The following MED12L variants were observed in gnomAD, a reference collection of about 807,000 sequenced individuals.
The protein encoded by MED12L is mediator complex subunit 12L, also known as mediator of RNA polymerase II transcription subunit 12-like protein.
MED12L carries 60 observed loss-of-function variants against 281.3 expected under a neutral mutation model. The ratio of observed to expected loss-of-function variants is 0.21; its 90% CI spans 0.17 to 0.26. The LOEUF (loss-of-function observed/expected upper bound fraction) is 0.26. MED12L is among the 10% of genes least tolerant of loss of function. The pLI is 1.00. For missense variants in MED12L, 2,146 were observed against 2,680.9 expected (o/e 0.80, Z 4.41); for synonymous variants, 974 against 987.2 (o/e 0.99, Z 0.25).
chr3:151,193,969 T>TC (rs1294326345), intron 16 of MED12L, among the ~76,000 whole-genome samples: 20 of 148,744 alleles, frequency 1.3e-4, no homozygotes, highest in East Asian at 1.9e-4. Context: ...TCTTTTCTTT[T>TC]TTTTTTTTTT....
At chr3:151,421,618 C>T (rs779570813) in intron 43 of MED12L, among the ~76,000 whole-genome samples, 57 of 152,160 alleles carry the variant, frequency 3.7e-4, no homozygotes, top group Non-Finnish European at 5.6e-4. Context: ...ACCATGTTGG[C>T]CAGGTGTCTC....
chr3:151,125,170 A>C (rs916090033), intron 4 of MED12L, among the ~76,000 whole-genome samples: 1 of 152,246 alleles, frequency 6.6e-6, no homozygotes, highest in African/African-American at 2.4e-5. Flanking sequence ...AAGGTGAGGA[A>C]GTCAATACTT....
intron 16 of MED12L, among the ~76,000 whole-genome samples, chr3:151,280,113 G>A (rs1295284449): frequency 6.6e-6 from 1 of 152,212 alleles, no homozygotes; most frequent in Non-Finnish European, 1.5e-5. Context: ...AAAGTCCAAG[G>A]CCAAAAGGAT....
At position 151,086,890 on chromosome 3, in the gene MED12L, C is replaced by T. The variant is rs777367945; in HGVS notation, c.-37C>T. 3.3e-6 allele frequency: 5 copies of T among 1,525,988 alleles called. No homozygotes were observed. Among genetic ancestry groups the T allele is most frequent in the South Asian group, 1.2e-5 (1 of 82,834 alleles). The allele number at this position is 1,525,988 out of a possible 1,614,324, so 94.5% of individuals were successfully genotyped here. A position where few individuals can be genotyped will look rare whatever the true frequency, so the allele number is the denominator to read the frequency against. The stretch of plus-strand genomic sequence containing the variant: ...TGCTCAGAGGCGGCTGCTCCAGCTC[C>T]AACTCTCATTCATTTCGCCGGTTAA... On this transcript the variant is annotated 5_prime_UTR_variant, in exon 2 of 45. Transcript: ENST00000687756.
chr3:151,300,272 A>G lies in MED12L; in HGVS notation c.2251-49787A>G, dbSNP rs1745724460. On this transcript the variant is annotated intron_variant, in intron 16 of 44. Coordinates refer to ENST00000687756, the MANE Select transcript of MED12L (RefSeq NM_001393769.1). ...TAAAATACAACATTTTGGTCTTTTCAGTTAAAGCAATTGCCTCCACGATTC... is the reference window on the plus strand; with the variant it reads ...TAAAATACAACATTTTGGTCTTTTCGGTTAAAGCAATTGCCTCCACGATTC... 67 of 644,490 alleles carry G rather than the reference A, an allele frequency of 1.0e-4. No individual in the cohort carries two copies. In the South Asian group the frequency reaches 1.1e-3, roughly 10 times the overall value. The allele number at this position is 644,490 out of a possible 1,614,324, so 39.9% of individuals were successfully genotyped here.
intron 16 of MED12L, chr3:151,338,215 G>A: frequency 6.2e-7 from 1 of 1,614,034 alleles, no homozygotes; most frequent in Non-Finnish European, 8.5e-7. Flanking sequence ...TTTGTAATGA[G>A]TGTATAACAT....
chr3:151,427,090 A>AT (rs1718960291), intron 43 of MED12L, among the ~76,000 whole-genome samples: 2 of 152,118 alleles, frequency 1.3e-5, no homozygotes, highest in Admixed American at 1.3e-4. Context: ...GAGTGCTGGG[A>AT]TTACAGGTGT....
In MED12L at chr3:151,394,559, G is replaced by A. The variant is rs544773335; in HGVS notation, c.5609-97G>A. On this transcript the variant is annotated intron_variant, in intron 38 of 44. Transcript: ENST00000687756. ...CATTTTTTTCTACTTTGTTCATAAAGTGAGACTTAGAAGGTGAAATTTCTG... is the reference window on the plus strand; with the variant it reads ...CATTTTTTTCTACTTTGTTCATAAAATGAGACTTAGAAGGTGAAATTTCTG... The A allele has an allele frequency of 6.4e-6, 10 of 1,553,816 alleles. No individual in the cohort carries two copies. In the South Asian group the frequency reaches 1.2e-4, roughly 19 times the overall value.
At chr3:151,135,561 G>A (rs2148835960) in intron 5 of MED12L, among the ~76,000 whole-genome samples, 1 of 152,360 alleles carries the variant, frequency 6.6e-6, no homozygotes, top group East Asian at 1.9e-4. Context: ...TCTCAGAGAA[G>A]TTAAGTAACT....
chr3:151,151,129 C>T (rs989703990), intron 5 of MED12L, among the ~76,000 whole-genome samples: 15 of 142,696 alleles, frequency 1.1e-4, no homozygotes, highest in African/African-American at 1.6e-4. Flanking sequence ...CTCCACGTCC[C>T]GGGGTTCACG....
At chr3:151,164,846 C>G (rs983950416) in intron 9 of MED12L, among the ~76,000 whole-genome samples, 1 of 150,998 alleles carries the variant, frequency 6.6e-6, no homozygotes, top group African/African-American at 2.4e-5. Flanking sequence ...ACACCGGGGC[C>G]TGTTGTGGGG....
intron 5 of MED12L, among the ~76,000 whole-genome samples, chr3:151,141,189 T>TTTTTTG (rs1553808537): frequency 2.9e-4 from 40 of 138,084 alleles, no homozygotes; most frequent in Admixed American, 2.0e-3. Context: ...TTTTTTTTGT[T>TTTTTTG]TTTTTTTTTT....
intron 37 of MED12L, among the ~76,000 whole-genome samples, chr3:151,389,022 A>G (rs1018151102): frequency 2.6e-5 from 4 of 152,240 alleles, no homozygotes; most frequent in African/African-American, 7.2e-5. Context: ...ACTAAAATAC[A>G]TCTTTTCCTA....
intron 31 of MED12L, 64 bp from the exon 32 acceptor site, chr3:151,380,049 G>T: frequency 9.9e-7 from 1 of 1,008,988 alleles, no homozygotes; most frequent in East Asian, 2.7e-5. Flanking sequence ...AGAAATGAAT[G>T]TTGCCAGAGG....
Position 151,164,054 on chromosome 3 carries a change from GTTTCAGTGATTTGATGGCTGT to G in MED12L, c.1257+18_1257+38del. 6.2e-7 allele frequency: 1 copy of G among 1,611,460 alleles called. No homozygotes were observed. Among genetic ancestry groups the G allele is most frequent in the Non-Finnish European group, 8.5e-7 (1 of 1,178,442 alleles). On this transcript the variant is annotated intron_variant, in intron 9 of 44. Transcript: ENST00000687756. Reference sequence around the variant, plus strand: ...CTTTCAATCAGCAGGTAGACTTTATGTTTCAGTGATTTGATGGCTGTTTTCATTCTTGACAGGCATCAGGGC... The same window carrying G: ...CTTTCAATCAGCAGGTAGACTTTATGTTTCATTCTTGACAGGCATCAGGGC...
chr3:151,339,205 T>C (rs1404973804), intron 16 of MED12L, among the ~76,000 whole-genome samples: 1 of 152,166 alleles, frequency 6.6e-6, no homozygotes, highest in African/African-American at 2.4e-5. Flanking sequence ...TGTGCTTTAC[T>C]CTTCTCTAGC....
intron 23 of MED12L, 78 bp from the exon 24 acceptor site, chr3:151,367,568 G>A: frequency 3.0e-6 from 4 of 1,332,554 alleles, no homozygotes; most frequent in Non-Finnish European, 4.1e-6. Context: ...GGTATTGCCT[G>A]CATTCTCTTA....
chr3:151,183,886 G>A (rs996312947), intron 11 of MED12L, among the ~76,000 whole-genome samples: 17 of 152,142 alleles, frequency 1.1e-4, no homozygotes, highest in African/African-American at 3.1e-4. Context: ...AAAACTGAAA[G>A]CAGTATTTTT....
At chr3:151,117,352 CT>C (rs1397683225) in intron 3 of MED12L, among the ~76,000 whole-genome samples, 4 of 152,180 alleles carry the variant, frequency 2.6e-5, no homozygotes, top group Non-Finnish European at 5.9e-5. Flanking sequence ...CCAAGTTTAT[CT>C]TGTTCTTTCC....
Sources: gnomAD v4.1 joint callset for allele counts (sites outside exome capture counted in the v4.1 genomes callset) on GRCh38, gnomAD v4.1.1 for gene constraint, MANE v1.5 for transcripts, NCBI Gene and HGNC (gene_info 2026-07-23, HGNC 2026-07-21) for gene names.